Variants in CDK14 observed in about 807,000 individuals in gnomAD.
The protein encoded by CDK14 is cyclin dependent kinase 14.
Under a neutral mutation model 60.7 loss-of-function variants are expected in CDK14, and 34 were observed. The observed-to-expected ratio is 0.56, with a 90% CI of 0.43 to 0.75. The LOEUF (loss-of-function observed/expected upper bound fraction) is 0.75. Ranked by LOEUF, CDK14 falls within the 30% of genes least tolerant of loss-of-function variation. The pLI, the probability that CDK14 is intolerant of heterozygous loss-of-function variation, is 0.00. For missense variants in CDK14, 482 were observed against 564.1 expected (o/e 0.85, Z 1.47); for synonymous variants, 197 against 203.7 (o/e 0.97, Z 0.28).
At chr7:91,014,772 AT>A (rs1796254573) in intron 10 of CDK14, among the ~76,000 whole-genome samples, 2 of 152,170 alleles carry the variant, frequency 1.3e-5, no homozygotes, top group African/African-American at 4.8e-5. Context: ...ATTAAATTCC[AT>A]TATGGTGCAC....
At chr7:90,620,020 A>T (rs1443668064) in intron 2 of CDK14, among the ~76,000 whole-genome samples, 1 of 152,138 alleles carries the variant, frequency 6.6e-6, no homozygotes, top group Non-Finnish European at 1.5e-5. Flanking sequence ...ACAAATACAG[A>T]GAGATATGAC....
intron 13 of CDK14, among the ~76,000 whole-genome samples, chr7:91,113,351 C>T (rs965141771): frequency 6.6e-6 from 1 of 152,170 alleles, no homozygotes; most frequent in Non-Finnish European, 1.5e-5. Flanking sequence ...AAAACACATT[C>T]CTGGGTGGGT....
At chr7:90,823,915 A>T (rs906238978) in intron 5 of CDK14, among the ~76,000 whole-genome samples, 2 of 152,150 alleles carry the variant, frequency 1.3e-5, no homozygotes, top group Admixed American at 6.5e-5. Flanking sequence ...GGCACTTTTC[A>T]TATTTCTTGG....
At chr7:90,656,369 T>G (rs1409399523) in intron 2 of CDK14, among the ~76,000 whole-genome samples, 1 of 141,472 alleles carries the variant, frequency 7.1e-6, no homozygotes, top group Non-Finnish European at 1.5e-5. Flanking sequence ...GTGCTTCTCC[T>G]TTTTTCTTTC....
chr7:90,722,623 T>TG (rs1300190877), intron 2 of CDK14, among the ~76,000 whole-genome samples: 1 of 151,780 alleles, frequency 6.6e-6, no homozygotes, highest in Non-Finnish European at 1.5e-5. Context: ...TGTTAAATTT[T>TG]TTTTTTCTCA....
chr7:90,990,403 A>G (rs1462174853), intron 10 of CDK14, among the ~76,000 whole-genome samples: 1 of 152,226 alleles, frequency 6.6e-6, no homozygotes, highest in African/African-American at 2.4e-5. Context: ...CAATTTTTAA[A>G]TCAATTTTAG....
At chr7:90,659,361 T>G (rs1800815103) in intron 2 of CDK14, among the ~76,000 whole-genome samples, 1 of 152,182 alleles carries the variant, frequency 6.6e-6, no homozygotes, top group African/African-American at 2.4e-5. Context: ...TCATATTATG[T>G]TCAGACCCCA....
chr7:90,953,189 G>A (rs1237073965), intron 8 of CDK14, among the ~76,000 whole-genome samples: 1 of 48,216 alleles, frequency 2.1e-5, no homozygotes, highest in African/African-American at 9.6e-5. Context: ...ACAATAAATT[G>A]TTTTAATTGA....
chr7:90,812,129 A>C (rs529077269), intron 5 of CDK14, among the ~76,000 whole-genome samples: 1 of 152,354 alleles, frequency 6.6e-6, no homozygotes, highest in South Asian at 2.1e-4. Flanking sequence ...ATATACCCAA[A>C]GGATTATAAA....
intron 9 of CDK14, among the ~76,000 whole-genome samples, chr7:90,957,976 A>T (rs1794482425): frequency 6.6e-6 from 1 of 152,168 alleles, no homozygotes; most frequent in Non-Finnish European, 1.5e-5. Context: ...CTGAATGATT[A>T]TGCCCCCATA....
Position 91,078,080 on chromosome 7 carries a change from C to T in CDK14, c.1106-1352C>T, listed in dbSNP as rs1013034886. Among the ~76,000 whole-genome samples, 48 of 152,274 alleles carry T rather than the reference C, an allele frequency of 3.2e-4. 2 individuals carry two copies. Among genetic ancestry groups the T allele is most frequent in the East Asian group, 1.2e-3 (6 of 5,182 alleles). On this transcript the variant is annotated intron_variant, in intron 11 of 14. Transcript: ENST00000380050. ...GGTGGGAAAATGAAAAGTACTCTGT[C>T]GGCATTTATTAAAATGTAAAATATG...
chr7:90,824,566 G>A (rs1374959861), intron 5 of CDK14: 2 of 152,198 alleles, frequency 1.3e-5, no homozygotes, highest in African/African-American at 4.8e-5. Context: ...GAAATCATGT[G>A]GATGTAGAGT....
chr7:90,752,693 A>G (rs917058278), intron 4 of CDK14, among the ~76,000 whole-genome samples: 8 of 152,170 alleles, frequency 5.3e-5, no homozygotes, highest in Non-Finnish European at 7.4e-5. Context: ...AGACCTAAAA[A>G]TATATTAAAA....
chr7:90,885,540 T>C (rs1195377155), intron 6 of CDK14, among the ~76,000 whole-genome samples: 1 of 152,154 alleles, frequency 6.6e-6, no homozygotes, highest in East Asian at 1.9e-4. Context: ...AGAAGTACCA[T>C]TTGACTCAGC....
intron 2 of CDK14, among the ~76,000 whole-genome samples, chr7:90,635,023 C>T (rs1164686552): frequency 6.6e-6 from 1 of 152,040 alleles, no homozygotes; most frequent in African/African-American, 2.4e-5. Context: ...ATTGTAGATT[C>T]TGGATATTAG....
intron 10 of CDK14, among the ~76,000 whole-genome samples, chr7:91,027,951 C>G (rs1796644492): frequency 9.5e-6 from 1 of 105,706 alleles, no homozygotes; most frequent in Non-Finnish European, 1.9e-5. Context: ...CGCTCCACTC[C>G]CCTCCGCTCC....
At chr7:90,750,065 G>A (rs184265899) in intron 4 of CDK14, among the ~76,000 whole-genome samples, 42 of 151,984 alleles carry the variant, frequency 2.8e-4, no homozygotes, top group African/African-American at 9.4e-4. Context: ...GAAATGCATA[G>A]GGCTATAGAA....
At chr7:91,080,291 A>T (rs1236006012) in intron 12 of CDK14, among the ~76,000 whole-genome samples, 1 of 152,200 alleles carries the variant, frequency 6.6e-6, no homozygotes, top group East Asian at 1.9e-4. Flanking sequence ...TATGAAAAAA[A>T]TAACAAAAAA....
At chr7:90,806,212 C>T (rs2106276) in intron 5 of CDK14, among the ~76,000 whole-genome samples, 30,841 of 151,802 alleles carry the variant, frequency 0.2, 3,257 homozygotes, top group South Asian at 0.24. Context: ...AAATTTTGTG[C>T]CCTTGGATTA....
Sources: allele counts gnomAD v4.1 joint callset (sites outside exome capture counted in the v4.1 genomes callset), GRCh38; gene constraint gnomAD v4.1.1; transcripts MANE v1.5; gene names NCBI Gene and HGNC (gene_info 2026-07-23, HGNC 2026-07-21).